KANK1: variants seen among roughly 807,000 people sequenced by gnomAD.
KANK1 encodes the protein KN motif and ankyrin repeat domains 1.
A neutral mutation model predicts 106.2 loss-of-function variants in KANK1; 109 were observed. The ratio of observed to expected loss-of-function variants is 1.03; its 90% CI spans 0.88 to 1.20. KANK1 has a LOEUF of 1.20. KANK1 is among the 50% of genes most tolerant of loss of function. The pLI, the probability that KANK1 is intolerant of heterozygous loss-of-function variation, is 0.00. For synonymous variants in KANK1, 873 were observed against 652.2 expected, an observed-to-expected ratio of 1.34 and a Z score of -5.16; for missense variants, 2,399 against 1,710.7, an observed-to-expected ratio of 1.40 and a Z score of -7.10.
At chr9:718,400 C>G (rs997176619) in intron 3 of KANK1, among the ~76,000 whole-genome samples, 1 of 145,430 alleles carries the variant, frequency 6.9e-6, no homozygotes, top group African/African-American at 2.5e-5. Flanking sequence ...GTAGCCTGAA[C>G]TTCCCGAGCT....
intron 1 of KANK1, among the ~76,000 whole-genome samples, chr9:579,859 A>C (rs1821569410): frequency 1.3e-5 from 2 of 152,152 alleles, no homozygotes; most frequent in African/African-American, 4.8e-5. Context: ...GGACCTGAAA[A>C]ACCTCAGGCC....
intron 1 of KANK1, among the ~76,000 whole-genome samples, chr9:610,246 A>G (rs763092694): frequency 6.6e-6 from 1 of 152,214 alleles, no homozygotes; most frequent in Non-Finnish European, 1.5e-5. Context: ...ACTCTTTACA[A>G]AAGTAACACA....
chr9:476,064 G>A (rs964381891), intron 3 of KANK1, among the ~76,000 whole-genome samples: 2 of 150,860 alleles, frequency 1.3e-5, no homozygotes, highest in Non-Finnish European at 2.9e-5. Flanking sequence ...CATTGACCAA[G>A]CTAGTCTTGA....
upstream of KANK1, among the ~76,000 whole-genome samples, chr9:503,403 A>T (rs771178559): frequency 6.6e-6 from 1 of 152,134 alleles, no homozygotes; most frequent in Non-Finnish European, 1.5e-5. Context: ...CTGCCTTCAC[A>T]TATCTTCCGG....
intron 1 of KANK1, among the ~76,000 whole-genome samples, chr9:620,284 C>G (rs1344513926): frequency 6.6e-6 from 1 of 152,156 alleles, no homozygotes; most frequent in Non-Finnish European, 1.5e-5. Context: ...CCTTTCCCAC[C>G]CTGTCTTGGA....
intron 1 of KANK1, among the ~76,000 whole-genome samples, chr9:606,980 T>A (rs2804306): frequency 0.079 from 10,957 of 139,318 alleles, 570 homozygotes; most frequent in Middle Eastern, 0.11. Context: ...TTCACATTTT[T>A]ATTTTTTTAA....
chr9:709,446 G>T (rs965886322), intron 2 of KANK1, among the ~76,000 whole-genome samples: 1 of 152,182 alleles, frequency 6.6e-6, no homozygotes, highest in South Asian at 2.1e-4. Flanking sequence ...CTCATCCCAG[G>T]CCTCCTGGTT....
chr9:578,562 C>T (rs936170662), intron 1 of KANK1, among the ~76,000 whole-genome samples: 3 of 151,876 alleles, frequency 2.0e-5, no homozygotes, highest in Admixed American at 6.6e-5. Context: ...CCTGGAACAT[C>T]ATCATAGTTT....
intron 5 of KANK1, 103 bp from the exon 6 acceptor site, chr9:732,275 G>T (rs900708120): frequency 7.2e-7 from 1 of 1,388,332 alleles, no homozygotes; most frequent in Non-Finnish European, 9.8e-7. Context: ...AAAACCACTA[G>T]TGAAATTTCT....
chr9:589,443 C>T (rs1179483836), intron 1 of KANK1, among the ~76,000 whole-genome samples: 2 of 152,064 alleles, frequency 1.3e-5, no homozygotes, highest in Admixed American at 1.3e-4. Context: ...AAGAGGATGC[C>T]ACTGGGAGGA....
chr9:624,009 A>C (rs762022265), intron 1 of KANK1, among the ~76,000 whole-genome samples: 1 of 152,188 alleles, frequency 6.6e-6, no homozygotes, highest in Non-Finnish European at 1.5e-5. Context: ...TGGTTAAAGA[A>C]AATGTGGTAT....
intron 2 of KANK1, chr9:693,771 T>TTTTG: frequency 1.0e-6 from 1 of 985,326 alleles, no homozygotes; most frequent in Non-Finnish European, 1.2e-6. Context: ...ATCACAGTTA[T>TTTTG]TTTGTTTCTG....
At chr9:535,607 G>A (rs1420026336) in intron 1 of KANK1, among the ~76,000 whole-genome samples, 6 of 152,188 alleles carry the variant, frequency 3.9e-5, no homozygotes, top group East Asian at 1.9e-4. Context: ...AGATGAAACA[G>A]ACAATACAGT....
rs964465460 is a variant in KANK1 at position 711,727 on chromosome 9, A to C, written c.961A>C (p.Lys321Gln). Residue 321 changes from lysine (K) to glutamine (Q), a missense_variant, in exon 3 of 12, where the codon AAG becomes CAG. By Grantham distance (53) the Lys-to-Gln change is moderately conservative. Coordinates refer to ENST00000382297, the MANE Select transcript of KANK1 (RefSeq NM_015158.5). ...CCAGATCAATGTCTGTGGTGTGAGGAAGCGGTCCTATAGTGCGGGGAACGC... is the reference window on the plus strand; with the variant it reads ...CCAGATCAATGTCTGTGGTGTGAGGCAGCGGTCCTATAGTGCGGGGAACGC... The part of the protein sequence containing the change: ...ASQINVCGVR[K>Q]RSYSAGNASQ... The C allele has an allele frequency of 1.2e-6, 2 of 1,614,230 alleles. No homozygotes were observed. Among genetic ancestry groups the C allele is most frequent in the South Asian group, 2.2e-5 (2 of 91,092 alleles).
chr9:741,180 G>GA (rs1171856265), intron 9 of KANK1, among the ~76,000 whole-genome samples: 2 of 152,176 alleles, frequency 1.3e-5, no homozygotes, highest in African/African-American at 4.8e-5. Context: ...CATTTGCATA[G>GA]TTTGCATGGA....
At chr9:708,925 G>A (rs1202121458) in intron 2 of KANK1, among the ~76,000 whole-genome samples, 1 of 152,224 alleles carries the variant, frequency 6.6e-6, no homozygotes, top group East Asian at 1.9e-4. Flanking sequence ...TTTTAAGTTT[G>A]AAATGCATAG....
chr9:658,357 C>G (rs1346327851), intron 1 of KANK1, among the ~76,000 whole-genome samples: 1 of 152,092 alleles, frequency 6.6e-6, no homozygotes, highest in Non-Finnish European at 1.5e-5. Flanking sequence ...AATCTCATAA[C>G]CTAGCCTCTG....
chr9:614,566 T>C (rs1311711768), intron 1 of KANK1, among the ~76,000 whole-genome samples: 1 of 152,158 alleles, frequency 6.6e-6, no homozygotes, highest in Non-Finnish European at 1.5e-5. Flanking sequence ...AGTTCCTCAT[T>C]GTGTGGGACT....
At chr9:618,333 G>A (rs926817631) in intron 1 of KANK1, among the ~76,000 whole-genome samples, 25 of 151,770 alleles carry the variant, frequency 1.6e-4, no homozygotes, top group South Asian at 1.2e-3. Context: ...TCAGCCTCCC[G>A]AGTAGCTGGG....
Sources: allele counts gnomAD v4.1 joint callset (sites outside exome capture counted in the v4.1 genomes callset), GRCh38; gene constraint gnomAD v4.1.1; transcripts MANE v1.5; gene names NCBI Gene and HGNC (gene_info 2026-07-23, HGNC 2026-07-21).